The following TP63 variants were observed in gnomAD, a reference collection of about 807,000 sequenced individuals.
The protein encoded by TP63 is tumor protein 63.
Under a neutral mutation model 82.8 loss-of-function variants are expected in TP63, and 17 were observed. That is an observed-to-expected ratio of 0.21 (90% CI 0.14 to 0.31). The LOEUF is 0.31. Among genes scored for constraint, TP63 ranks in the 10% least tolerant of loss-of-function variants. The probability of loss-of-function intolerance (pLI) is 1.00; values close to 1 mark genes in which losing one functional copy is unlikely to be tolerated. For missense variants in TP63, 648 were observed against 895.3 expected (o/e 0.72, Z 3.52); for synonymous variants, 330 against 321.7 (o/e 1.03, Z -0.28).
chr3:189,778,330 G>C lies in TP63; in HGVS notation c.325-29942G>C, dbSNP rs1008189558. 3.8e-4 allele frequency among the ~76,000 whole-genome samples: 57 copies of C among 151,988 alleles called. 2 individuals are homozygous for C. The highest frequency in any genetic ancestry group is 3.7e-3 in the Admixed American group (57 of 15,252). The stretch of plus-strand genomic sequence containing the variant: ...TTCTAGTATTAACATACACTGAATG[G>C]GTCTATAGTTTGATGTATCAATAAA... On this transcript the variant is annotated intron_variant, in intron 3 of 13. Coordinates refer to ENST00000264731, the MANE Select transcript of TP63 (RefSeq NM_003722.5).
chr3:189,658,393 A>C (rs1713577699), intron 1 of TP63, among the ~76,000 whole-genome samples: 2 of 152,074 alleles, frequency 1.3e-5, no homozygotes, highest in South Asian at 4.1e-4. Flanking sequence ...TACGGGCTGC[A>C]TGTAGTACTT....
At chr3:189,641,473 A>C (rs1257147732) in intron 1 of TP63, among the ~76,000 whole-genome samples, 1 of 152,136 alleles carries the variant, frequency 6.6e-6, no homozygotes, top group East Asian at 1.9e-4. Context: ...TGATGCCAAC[A>C]AAGAAAAATT....
At chr3:189,707,810 T>C (rs999539434) in intron 1 of TP63, among the ~76,000 whole-genome samples, 8 of 152,200 alleles carry the variant, frequency 5.3e-5, no homozygotes, top group Non-Finnish European at 8.8e-5. Flanking sequence ...TGTATACTTC[T>C]TGTTAATTTA....
intron 3 of TP63, among the ~76,000 whole-genome samples, chr3:189,764,776 A>T (rs1437385826): frequency 1.3e-5 from 2 of 152,170 alleles, no homozygotes; most frequent in African/African-American, 4.8e-5. Context: ...CACACTCTTG[A>T]AGAGGTAGAA....
intron 1 of TP63, among the ~76,000 whole-genome samples, chr3:189,659,256 A>G (rs1025972777): frequency 1.3e-5 from 2 of 151,854 alleles, no homozygotes; most frequent in African/African-American, 4.8e-5. Context: ...TGCCATCTTT[A>G]TGTCCCCGTA....
At chr3:189,664,981 A>G (rs1019528725) in intron 1 of TP63, among the ~76,000 whole-genome samples, 4 of 152,200 alleles carry the variant, frequency 2.6e-5, no homozygotes, top group African/African-American at 9.6e-5. Context: ...AAATATAGCC[A>G]TTATTAAAAA....
chr3:189,771,325 T>C (rs1193063970), intron 3 of TP63, among the ~76,000 whole-genome samples: 2 of 134,004 alleles, frequency 1.5e-5, no homozygotes, highest in African/African-American at 6.0e-5. Flanking sequence ...ATTATATATT[T>C]ATATATAATA....
intron 1 of TP63, among the ~76,000 whole-genome samples, chr3:189,729,213 G>A (rs1719985200): frequency 6.6e-6 from 1 of 152,146 alleles, no homozygotes; most frequent in Non-Finnish European, 1.5e-5. Context: ...AAATTGGTTA[G>A]GATAAAGAAT....
At chr3:189,881,441 G>T in intron 10 of TP63, 6 of 985,370 alleles carry the variant, frequency 6.1e-6, no homozygotes, top group Non-Finnish European at 7.2e-6. Flanking sequence ...TATTGAGGCT[G>T]TTGCTTTTGT....
chr3:189,689,098 C>CTTTTTTTTTTTTTTTTTTTTTTT lies in TP63; in HGVS notation c.63-48637_63-48636insTTTTTTTTTTTTTTTTTTTTTTT, dbSNP rs1383931117. 5.9e-5 allele frequency among the ~76,000 whole-genome samples: 5 copies of CTTTTTTTTTTTTTTTTTTTTTTT among 85,140 alleles called. 2 individuals are homozygous for CTTTTTTTTTTTTTTTTTTTTTTT. Among genetic ancestry groups the CTTTTTTTTTTTTTTTTTTTTTTT allele is most frequent in the Non-Finnish European group, 6.4e-5 (3 of 46,814 alleles). 55.9% of individuals were successfully genotyped at this position (85,140 alleles called of 152,430 possible). A position where few individuals can be genotyped will look rare whatever the true frequency, so the allele number is the denominator to read the frequency against. On this transcript the variant is annotated intron_variant, in intron 1 of 13. Transcript: ENST00000264731. ...CAGAGTGGCCAGCATTCAAATCTAC[C>CTTTTTTTTTTTTTTTTTTTTTTT]TTTTTCTTTTTTTTTTTTTTTTTTT...
chr3:189,682,538 A>G (rs1171159070), intron 1 of TP63, among the ~76,000 whole-genome samples: 17 of 10,620 alleles, frequency 1.6e-3, no homozygotes, highest in South Asian at 0.015. Flanking sequence ...CCTAAGGGGA[A>G]AAAAAAAAAA....
chr3:189,727,550 C>T (rs929850230), intron 1 of TP63, among the ~76,000 whole-genome samples: 10 of 152,172 alleles, frequency 6.6e-5, no homozygotes, highest in Non-Finnish European at 1.2e-4. Flanking sequence ...ATAATTTTTT[C>T]CAAGAAGTTC....
At chr3:189,888,373 C>A (rs951222795) in intron 11 of TP63, among the ~76,000 whole-genome samples, 1 of 152,200 alleles carries the variant, frequency 6.6e-6, no homozygotes, top group African/African-American at 2.4e-5. Context: ...TTAGAGTCCT[C>A]AAGTTCCTTC....
chr3:189,682,553 AATATATATATATATAT>A (rs1179179631), intron 1 of TP63, among the ~76,000 whole-genome samples: 4 of 10,374 alleles, frequency 3.9e-4, no homozygotes, highest in Non-Finnish European at 4.8e-4. Flanking sequence ...AAAAAAAAAA[AATATATATATATATAT>A]ATATATATAT....
intron 1 of TP63, among the ~76,000 whole-genome samples, chr3:189,689,081 C>T (rs77953198): frequency 0.017 from 2,398 of 141,520 alleles, 49 homozygotes; most frequent in Non-Finnish European, 0.029. Flanking sequence ...GACAGAGTGG[C>T]CAGCATTCAA....
In TP63 at chr3:189,894,246, C is replaced by A. The variant is rs773237715; in HGVS notation, c.1787C>A (p.Ala596Glu). 2.5e-6 allele frequency: 4 copies of A among 1,614,044 alleles called. No homozygotes were observed. Among genetic ancestry groups the A allele is most frequent in the Non-Finnish European group, 3.4e-6 (4 of 1,180,018 alleles). ...SLKIPEQFRH[A>E]IWKGILDHRQ... ...AAAATCCCTGAGCAATTTCGACATG[C>A]GATCTGGAAGGGCATCCTGGACCAC... The change falls in exon 14 of 14, where the codon GCG (alanine) becomes GAG (glutamate). Residue 596 changes from alanine to glutamate, a missense_variant. Physicochemically the swap from Ala to Glu is moderately radical, Grantham distance 107. Transcript: ENST00000264731.
intron 4 of TP63, among the ~76,000 whole-genome samples, chr3:189,828,767 T>C (rs1711840872): frequency 6.6e-6 from 1 of 152,236 alleles, no homozygotes; most frequent in South Asian, 2.1e-4. Flanking sequence ...AAAAGAAACA[T>C]ATTGAGCTAA....
chr3:189,600,245 C>A, the TP63 span, among the ~76,000 whole-genome samples: 107 of 152,300 alleles, frequency 7.0e-4, 3 homozygotes, highest in East Asian at 0.017. Flanking sequence ...AGAAATGGAT[C>A]ATGGATTCTA....
the TP63 span, among the ~76,000 whole-genome samples, chr3:189,613,543 C>T: frequency 6.6e-6 from 1 of 152,164 alleles, no homozygotes; most frequent in Non-Finnish European, 1.5e-5. Flanking sequence ...GGGGTCAGAT[C>T]CCCCACACAG....
Sources: gnomAD v4.1 joint callset for allele counts (sites outside exome capture counted in the v4.1 genomes callset) on GRCh38, gnomAD v4.1.1 for gene constraint, MANE v1.5 for transcripts, NCBI Gene and HGNC (gene_info 2026-07-23, HGNC 2026-07-21) for gene names.